PKD1L1: variants seen among roughly 807,000 people sequenced by gnomAD.
PKD1L1 encodes polycystin-1-like protein 1.
In PKD1L1, 236 loss-of-function variants were observed where a neutral mutation model predicts 323.4. The observed-to-expected ratio is 0.73, with a 90% CI of 0.66 to 0.81. The LOEUF (loss-of-function observed/expected upper bound fraction) is 0.81, where lower values mean the gene tolerates loss of function less well. PKD1L1 is among the 40% of genes least tolerant of loss of function. PKD1L1 has a pLI of 0.00. For missense variants in PKD1L1, 3,320 were observed against 3,508.0 expected (o/e 0.95, Z 1.35); for synonymous variants, 1,344 against 1,335.0 (o/e 1.01, Z -0.15).
chr7:47,856,491 C>T (rs6947342), intron 28 of PKD1L1, among the ~76,000 whole-genome samples: 24,296 of 152,104 alleles, frequency 0.16, 2,144 homozygotes, highest in African/African-American at 0.2. Context: ...CAAATAAATA[C>T]GACAAGACAT....
At position 47,890,732 on chromosome 7, in the gene PKD1L1, G is replaced by A. The variant is rs764805795; in HGVS notation, c.2485C>T (p.Pro829Ser). The part of the protein sequence containing the change: ...YHWECATAGS[P>S]AHPCFDSSTA... ...GAGGAGTCGAAGCAGGGATGTGCTG[G>A]GGAGCCAGCGGTGGCGCATTCCCAG... The change falls in exon 16 of 57, where the codon CCA becomes TCA. Residue 829 changes from proline to serine, a missense_variant. Pro to Ser is a moderately conservative substitution (Grantham distance 74, BLOSUM62 -1). Transcript: ENST00000289672. The A allele has an allele frequency of 6.2e-7, 1 of 1,612,832 alleles. No individual in the cohort carries two copies. The highest frequency in any genetic ancestry group is 1.1e-5 in the South Asian group (1 of 91,016).
intron 56 of PKD1L1, among the ~76,000 whole-genome samples, chr7:47,790,621 G>A (rs1355685173): frequency 2.0e-5 from 3 of 152,230 alleles, no homozygotes; most frequent in South Asian, 2.1e-4. Flanking sequence ...GTGAGTCACC[G>A]CACCGGGCCA....
intron 2 of PKD1L1, 86 bp downstream of exon 2, chr7:47,943,310 C>T (rs1788035299): frequency 9.0e-7 from 1 of 1,106,668 alleles, no homozygotes; most frequent in Non-Finnish European, 1.3e-6. Flanking sequence ...AAATGAAATT[C>T]CCATGTGGAA....
Position 47,846,902 on chromosome 7 carries a change from A to G in PKD1L1, c.5130T>C (p.Thr1710=). The change falls in exon 32 of 57, where the codon ACT becomes ACC. Residue 1710 remains threonine (T), a synonymous_variant. Transcript: ENST00000289672. The part of the protein sequence containing the change: ...KSERFSPQPG[T]SPEKVNCSYH... ...ACCTGCAGTTCACTTTTTCAGGAGAAGTCCCTGGTTGTGGAGAGAAACGTT... is the reference window on the plus strand; with the variant it reads ...ACCTGCAGTTCACTTTTTCAGGAGAGGTCCCTGGTTGTGGAGAGAAACGTT... 6.2e-7 allele frequency: 1 copy of G among 1,602,368 alleles called. No individual in the cohort carries two copies. Among genetic ancestry groups the G allele is most frequent in the Non-Finnish European group, 8.5e-7 (1 of 1,177,198 alleles).
chr7:47,936,061 C>T (rs1787861708), intron 4 of PKD1L1, among the ~76,000 whole-genome samples: 1 of 152,174 alleles, frequency 6.6e-6, no homozygotes, highest in African/African-American at 2.4e-5. Context: ...AGGAGTAAAA[C>T]CATCAATTTC....
intron 46 of PKD1L1, among the ~76,000 whole-genome samples, chr7:47,815,660 T>G (rs1226356688): frequency 6.6e-6 from 1 of 152,228 alleles, no homozygotes. Context: ...TAAGAGAGAA[T>G]GGCGGGTGAA....
chr7:47,868,651 G>A (rs899934025), intron 24 of PKD1L1, among the ~76,000 whole-genome samples: 5 of 152,188 alleles, frequency 3.3e-5, no homozygotes, highest in East Asian at 1.9e-4. Context: ...CGAGGCAGGC[G>A]GATCACCTGA....
At chr7:47,800,909 C>T (rs1238317687) in intron 53 of PKD1L1, 30 bp from the exon 54 acceptor site, 1 of 1,578,678 alleles carries the variant, frequency 6.3e-7, no homozygotes, top group African/African-American at 1.4e-5. Flanking sequence ...AGAGCACTGA[C>T]CTTGTCACCT....
chr7:47,922,809 GC>G (rs1787579468), intron 7 of PKD1L1, among the ~76,000 whole-genome samples: 1 of 152,120 alleles, frequency 6.6e-6, no homozygotes, highest in Non-Finnish European at 1.5e-5. Context: ...GAGCCCCTCT[GC>G]CCGGCCGCCA....
At chr7:47,915,269 G>T (rs1481221050) in intron 8 of PKD1L1, among the ~76,000 whole-genome samples, 163 bp downstream of exon 8, 1 of 152,132 alleles carries the variant, frequency 6.6e-6, no homozygotes, top group Non-Finnish European at 1.5e-5. Context: ...TCCCATGAGT[G>T]GCTATAAATT....
chr7:47,880,284 A>ATATATTTTTTTTTTTTT (rs1225214936), intron 21 of PKD1L1, among the ~76,000 whole-genome samples: 3 of 56,814 alleles, frequency 5.3e-5, no homozygotes, highest in African/African-American at 3.2e-4. Flanking sequence ...ATATATATAT[A>ATATATTTTTTTTTTTTT]TTTTTTTTTT....
At position 47,808,279 on chromosome 7, in the gene PKD1L1, T is replaced by C. The variant is rs140233929; in HGVS notation, c.7795A>G (p.Met2599Val). 269 of 1,614,046 alleles carry C rather than the reference T, an allele frequency of 1.7e-4. No individual in the cohort carries two copies. The highest frequency in any genetic ancestry group is 1.2e-3 in the Middle Eastern group (7 of 6,084). ...QFHRGLCRAF[M>V]DLTLMASWNQ... ...CATGATGCCATAAGGGTGAGGTCCA[T>C]AAATGCTCGGCAAAGTCCTCTGTGA... Residue 2599 changes from methionine (M) to valine (V), a missense_variant, in exon 52 of 57, where the codon ATG becomes GTG. Met to Val is a conservative substitution (Grantham distance 21). Coordinates refer to ENST00000289672, the MANE Select transcript of PKD1L1 (RefSeq NM_138295.5).
intron 9 of PKD1L1, among the ~76,000 whole-genome samples, 173 bp downstream of exon 9, chr7:47,907,904 C>A (rs1464834417): frequency 1.3e-5 from 2 of 152,140 alleles, no homozygotes; most frequent in Non-Finnish European, 2.9e-5. Context: ...TCTTCATGTT[C>A]CCTCAGAACA....
intron 56 of PKD1L1, among the ~76,000 whole-genome samples, chr7:47,783,093 T>C (rs942096698): frequency 6.6e-6 from 1 of 152,194 alleles, no homozygotes; most frequent in South Asian, 2.1e-4. Flanking sequence ...TCCTGCGTTC[T>C]GTAACTTAGA....
intron 7 of PKD1L1, among the ~76,000 whole-genome samples, chr7:47,918,755 G>A (rs999729694): frequency 2.0e-5 from 3 of 152,116 alleles, no homozygotes; most frequent in East Asian, 1.9e-4. Context: ...TAAATAACCT[G>A]CTCCTGAGTG....
intron 31 of PKD1L1, among the ~76,000 whole-genome samples, chr7:47,848,633 C>G (rs1227562955): frequency 6.6e-6 from 1 of 152,152 alleles, no homozygotes; most frequent in African/African-American, 2.4e-5. Flanking sequence ...TGGAGAAACT[C>G]TGTCTCTACT....
At chr7:47,861,967 G>T (rs1371606811) in intron 26 of PKD1L1, among the ~76,000 whole-genome samples, 1 of 151,516 alleles carries the variant, frequency 6.6e-6, no homozygotes, top group African/African-American at 2.4e-5. Context: ...GGCTGAGGCA[G>T]GTGGATCACC....
At chr7:47,847,886 T>A (rs1785697858) in intron 31 of PKD1L1, among the ~76,000 whole-genome samples, 1 of 152,054 alleles carries the variant, frequency 6.6e-6, no homozygotes, top group Non-Finnish European at 1.5e-5. Context: ...ATTACTATTT[T>A]AAAAATAGCC....
intron 20 of PKD1L1, among the ~76,000 whole-genome samples, chr7:47,881,197 T>C (rs1783743580): frequency 6.6e-6 from 1 of 152,252 alleles, no homozygotes; most frequent in East Asian, 1.9e-4. Context: ...ATACTGGTTA[T>C]GGACAATTTT....
Sources: gnomAD v4.1 joint callset for allele counts (sites outside exome capture counted in the v4.1 genomes callset) on GRCh38, gnomAD v4.1.1 for gene constraint, MANE v1.5 for transcripts, NCBI Gene and HGNC (gene_info 2026-07-23, HGNC 2026-07-21) for gene names.